The following ATP11B variants were observed in gnomAD, a reference collection of about 807,000 sequenced individuals.
ATP11B encodes phospholipid-transporting ATPase IF.
ATP11B carries 81 observed loss-of-function variants against 157.8 expected under a neutral mutation model. That is an observed-to-expected ratio of 0.51 (90% CI 0.43 to 0.62). The LOEUF is 0.62. Among genes scored for constraint, ATP11B ranks in the 20% least tolerant of loss-of-function variants. ATP11B has a pLI of 0.00. For synonymous variants in ATP11B, 451 were observed against 469.4 expected (o/e 0.96, Z 0.51); for missense variants, 1,165 against 1,402.2 (o/e 0.83, Z 2.70).
intron 3 of ATP11B, among the ~76,000 whole-genome samples, chr3:182,829,238 TCCA>T (rs1717948450): frequency 6.6e-6 from 1 of 152,194 alleles, no homozygotes; most frequent in Non-Finnish European, 1.5e-5. Context: ...TTCCTAGTTA[TCCA>T]CCTCTGGCTC....
At chr3:182,915,446 A>C in intron 29 of ATP11B, 1 of 985,278 alleles carries the variant, frequency 1.0e-6, no homozygotes, top group Non-Finnish European at 1.2e-6. Context: ...TAGGCCAGCA[A>C]ATTTCCCAAA....
intron 15 of ATP11B, 134 bp downstream of exon 15, chr3:182,867,578 A>AATTTTT: frequency 4.3e-6 from 1 of 233,000 alleles, no homozygotes; most frequent in Non-Finnish European, 7.8e-6. Flanking sequence ...AAGTCACATT[A>AATTTTT]CTTTTTTTTT....
intron 12 of ATP11B, among the ~76,000 whole-genome samples, chr3:182,861,151 C>T (rs959781130): frequency 6.6e-6 from 1 of 151,426 alleles, no homozygotes; most frequent in Non-Finnish European, 1.5e-5. Context: ...CTGCAACCTC[C>T]GCCTCCTGGG....
rs748690631 is a variant in ATP11B at position 182,815,953 on chromosome 3, T to C, written c.28-4307T>C. ...CAGAGACCTCCTGCTAAAATTGATATAGCTGTTTGCTGATTTGATTTCTCC... is the reference window on the plus strand; with the variant it reads ...CAGAGACCTCCTGCTAAAATTGATACAGCTGTTTGCTGATTTGATTTCTCC... On this transcript the variant is annotated intron_variant, in intron 1 of 29. Transcript: ENST00000323116. Among the ~76,000 whole-genome samples, 5 of 152,212 alleles carry C rather than the reference T, an allele frequency of 3.3e-5. No homozygotes were observed. The South Asian group carries it at 6.2e-4, about 19-fold the overall frequency.
intron 25 of ATP11B, among the ~76,000 whole-genome samples, chr3:182,890,510 A>G (rs1361635829): frequency 6.6e-6 from 1 of 152,186 alleles, no homozygotes; most frequent in African/African-American, 2.4e-5. Context: ...GTAAACTAAT[A>G]ACAAAATACA....
intron 2 of ATP11B, among the ~76,000 whole-genome samples, chr3:182,826,844 T>C (rs1299709454): frequency 6.6e-6 from 1 of 152,118 alleles, no homozygotes; most frequent in East Asian, 1.9e-4. Flanking sequence ...AAACAGCTAA[T>C]TAAGAAGTGA....
chr3:182,905,653 G>T, intron 28 of ATP11B: 1 of 381,048 alleles, frequency 2.6e-6, no homozygotes, highest in Non-Finnish European at 5.4e-6. Flanking sequence ...GCCCTCTTTT[G>T]TGACAGTAAA....
At chr3:182,865,064 C>G (rs568567433) in intron 12 of ATP11B, among the ~76,000 whole-genome samples, 5 of 152,100 alleles carry the variant, frequency 3.3e-5, no homozygotes, top group African/African-American at 1.2e-4. Context: ...TCTCCTCACT[C>G]GGATACCCTT....
chr3:182,793,974 C>G (rs1715421777), intron 1 of ATP11B, among the ~76,000 whole-genome samples, 188 bp downstream of exon 1: 1 of 152,056 alleles, frequency 6.6e-6, no homozygotes, highest in African/African-American at 2.4e-5. Flanking sequence ...CTCGTCTCGC[C>G]TCCAAGCCCG....
intron 25 of ATP11B, among the ~76,000 whole-genome samples, chr3:182,894,344 G>A (rs1192695899): frequency 4.6e-5 from 7 of 152,080 alleles, no homozygotes; most frequent in Non-Finnish European, 5.9e-5. Context: ...GGGCCACCAC[G>A]CCAGGCTAAT....
intron 28 of ATP11B, among the ~76,000 whole-genome samples, chr3:182,910,311 C>T (rs1724690740): frequency 6.6e-6 from 1 of 151,952 alleles, no homozygotes; most frequent in Non-Finnish European, 1.5e-5. Flanking sequence ...CTCAGTAGCT[C>T]ACACCTGTAA....
Position 182,921,562 on chromosome 3 carries a change from G to C in ATP11B, c.*3458G>C, listed in dbSNP as rs961520722. 4 of 152,058 alleles carry C rather than the reference G, an allele frequency of 2.6e-5. No individual in the cohort carries two copies. Among genetic ancestry groups the C allele is most frequent in the Admixed American group, 2.0e-4 (3 of 15,260 alleles). 9.4% of individuals were successfully genotyped at this position (152,058 alleles called of 1,614,324 possible). ...TTGTCAGTAAATGTAGTATATTATT[G>C]TACAGCTACTCATAATTTTTTAAAG... On this transcript the variant is annotated 3_prime_UTR_variant, in exon 30 of 30. Coordinates refer to ENST00000323116, the MANE Select transcript of ATP11B (RefSeq NM_014616.3).
At chr3:182,801,047 C>G (rs1370276703) in intron 1 of ATP11B, among the ~76,000 whole-genome samples, 1 of 152,184 alleles carries the variant, frequency 6.6e-6, no homozygotes, top group Non-Finnish European at 1.5e-5. Context: ...GATGATCAAT[C>G]CACTTCGGCC....
At chr3:182,860,479 C>T (rs1720749540) in intron 12 of ATP11B, among the ~76,000 whole-genome samples, 1 of 152,058 alleles carries the variant, frequency 6.6e-6, no homozygotes, top group Non-Finnish European at 1.5e-5. Context: ...GTTCGTTTTT[C>T]CTTTTTTATT....
At chr3:182,902,729 TA>T (rs902996533) in intron 28 of ATP11B, among the ~76,000 whole-genome samples, 54 of 146,614 alleles carry the variant, frequency 3.7e-4, no homozygotes, top group African/African-American at 8.0e-4. Flanking sequence ...CGTTAAAACC[TA>T]AAAAAAAAAA....
intron 1 of ATP11B, among the ~76,000 whole-genome samples, chr3:182,800,515 A>G (rs1280335012): frequency 2.0e-5 from 3 of 152,100 alleles, no homozygotes; most frequent in Non-Finnish European, 4.4e-5. Flanking sequence ...GGTGTGAGCC[A>G]CTGTGCCCAG....
intron 1 of ATP11B, among the ~76,000 whole-genome samples, chr3:182,811,558 C>A (rs1049349505): frequency 6.6e-6 from 1 of 152,100 alleles, no homozygotes; most frequent in Non-Finnish European, 1.5e-5. Flanking sequence ...GCTCATCCCC[C>A]CAGAAGGAGT....
chr3:182,875,711 G>A (rs1045769549), intron 19 of ATP11B, among the ~76,000 whole-genome samples: 2 of 152,114 alleles, frequency 1.3e-5, no homozygotes, highest in African/African-American at 4.8e-5. Flanking sequence ...AAAGTGCTGG[G>A]ATTATAGGTG....
At chr3:182,879,719 C>A in intron 20 of ATP11B, 70 bp downstream of exon 20, 3 of 1,372,146 alleles carry the variant, frequency 2.2e-6, no homozygotes, top group Non-Finnish European at 2.9e-6. Flanking sequence ...AAAGTTAATG[C>A]CTTACATAGT....
Sources: allele counts gnomAD v4.1 joint callset (sites outside exome capture counted in the v4.1 genomes callset), GRCh38; gene constraint gnomAD v4.1.1; transcripts MANE v1.5; gene names NCBI Gene and HGNC (gene_info 2026-07-23, HGNC 2026-07-21).